ACAT1: variants seen among roughly 807,000 people sequenced by gnomAD.
The protein encoded by ACAT1 is acetyl-CoA acetyltransferase 1.
ACAT1 carries 28 observed loss-of-function variants against 47.3 expected under a neutral mutation model. That is an observed-to-expected ratio of 0.59 (90% CI 0.44 to 0.81). The LOEUF is 0.81. ACAT1 is among the 30% of genes least tolerant of loss of function. The pLI is 0.00. For missense variants in ACAT1, 469 were observed against 524.3 expected, an observed-to-expected ratio of 0.89 and a Z score of 1.03; for synonymous variants, 181 against 173.6, an observed-to-expected ratio of 1.04 and a Z score of -0.34.
chr11:108,125,894 C>T (rs1315925376), intron 1 of ACAT1, among the ~76,000 whole-genome samples: 4 of 150,640 alleles, frequency 2.7e-5, no homozygotes, highest in African/African-American at 4.9e-5. Context: ...CCACTGCACT[C>T]CAGTCTGGGT....
intron 11 of ACAT1, 58 bp downstream of exon 11, chr11:108,146,417 A>T (rs1288565890): frequency 1.6e-5 from 25 of 1,580,722 alleles, no homozygotes; most frequent in Non-Finnish European, 2.0e-5. Flanking sequence ...TTCTAGCTAA[A>T]CTTAAAACTG....
intron 3 of ACAT1, 117 bp from the exon 4 acceptor site, chr11:108,134,104 A>G: frequency 2.5e-6 from 3 of 1,197,422 alleles, no homozygotes; most frequent in Non-Finnish European, 3.6e-6. Flanking sequence ...ATTGAAACTC[A>G]AAACTGACAA....
exon 1 of ACAT1, chr11:108,121,564 GCTAGT>G: frequency 1.9e-6 from 3 of 1,542,714 alleles, no homozygotes; most frequent in Non-Finnish European, 2.6e-6. Context: ...GGAGGAGGCC[GCTAGT>G]CTACGCCTGT....
chr11:108,139,421 T>C (rs1333187649), intron 6 of ACAT1, among the ~76,000 whole-genome samples: 1 of 151,768 alleles, frequency 6.6e-6, no homozygotes, highest in Non-Finnish European at 1.5e-5. Context: ...TGAGACCCTG[T>C]CTCTATTAAA....
At chr11:108,133,682 G>T in intron 2 of ACAT1, 138 bp from the exon 3 acceptor site, 1 of 705,932 alleles carries the variant, frequency 1.4e-6, no homozygotes. Context: ...TGATTATCTT[G>T]ACAGCTGTTC....
chr11:108,134,148 C>G, intron 3 of ACAT1, 73 bp from the exon 4 acceptor site: 1 of 1,384,738 alleles, frequency 7.2e-7, no homozygotes, highest in Non-Finnish European at 1.0e-6. Context: ...GTAATGTCAC[C>G]TACCTTATTA....
At chr11:108,132,510 C>A (rs538465837) in intron 2 of ACAT1, among the ~76,000 whole-genome samples, 1 of 152,116 alleles carries the variant, frequency 6.6e-6, no homozygotes, top group Admixed American at 6.6e-5. Context: ...TTCAAGAGAG[C>A]TTTTATCTTC....
upstream of ACAT1, among the ~76,000 whole-genome samples, chr11:108,116,726 C>CCA (rs1864957251): frequency 6.6e-6 from 1 of 152,192 alleles, no homozygotes; most frequent in East Asian, 1.9e-4. Context: ...GGAGAAAAAG[C>CCA]CACACACAGG....
chr11:108,121,468 G>T, upstream of ACAT1: 1 of 991,324 alleles, frequency 1.0e-6, no homozygotes, highest in Admixed American at 2.0e-5. Context: ...CTTGGCTGCC[G>T]GCCAATCGCC....
At chr11:108,140,282 T>G in intron 7 of ACAT1, 67 bp downstream of exon 7, 1 of 1,580,320 alleles carries the variant, frequency 6.3e-7, no homozygotes, top group Non-Finnish European at 8.7e-7. Flanking sequence ...TGCTTAAGTT[T>G]TAAATTAGGA....
chr11:108,130,644 G>A lies in ACAT1; in HGVS notation c.73-1263G>A, dbSNP rs571794378. Reference sequence around the variant, plus strand: ...CCTGTCCTCATGATCCACCCGCCTCGGCCTCCAAAGTGCTGGGATTACAGG... The same window carrying A: ...CCTGTCCTCATGATCCACCCGCCTCAGCCTCCAAAGTGCTGGGATTACAGG... On this transcript the variant is annotated intron_variant, in intron 1 of 11. Coordinates refer to ENST00000265838, the MANE Select transcript of ACAT1 (RefSeq NM_000019.4). 7.8e-4 allele frequency among the ~76,000 whole-genome samples: 118 copies of A among 152,106 alleles called. 1 individual carries two copies. The highest frequency in any genetic ancestry group is 2.7e-3 in the African/African-American group (111 of 41,482).
chr11:108,117,841 AAACT>A (rs1292680893), upstream of ACAT1, among the ~76,000 whole-genome samples: 1 of 152,276 alleles, frequency 6.6e-6, no homozygotes, highest in Non-Finnish European at 1.5e-5. Flanking sequence ...AATATTCCTA[AAACT>A]AACTTCTACT....
chr11:108,135,371 C>A, intron 5 of ACAT1, 129 bp downstream of exon 5: 1 of 730,598 alleles, frequency 1.4e-6, no homozygotes. Flanking sequence ...TTCTCACATG[C>A]TCAAGAGTGT....
chr11:108,121,401 C>G (rs1475742044), upstream of ACAT1: 2 of 629,692 alleles, frequency 3.2e-6, no homozygotes, highest in Admixed American at 2.6e-5. Context: ...ACGTCCTTCA[C>G]TCGTCAACCT....
chr11:108,132,853 C>CAAAAAAAAAAAAAAAAA (rs57501370), intron 2 of ACAT1, among the ~76,000 whole-genome samples: 1 of 47,894 alleles, frequency 2.1e-5, no homozygotes, highest in Non-Finnish European at 3.4e-5. Context: ...AACTCCATCT[C>CAAAAAAAAAAAAAAAAA]AAAAAAAAAA....
At chr11:108,139,091 T>C in intron 6 of ACAT1, 50 bp downstream of exon 6, 1 of 1,605,196 alleles carries the variant, frequency 6.2e-7, no homozygotes, top group Non-Finnish European at 8.5e-7. Context: ...CAATACTGTT[T>C]GATTTTTCTT....
chr11:108,134,912 G>A (rs1023891961), intron 4 of ACAT1, among the ~76,000 whole-genome samples: 2 of 122,926 alleles, frequency 1.6e-5, no homozygotes, highest in African/African-American at 6.3e-5. Flanking sequence ...GCCACTGCAC[G>A]CCAGCTTGGG....
intron 9 of ACAT1, 80 bp from the exon 10 acceptor site, chr11:108,143,903 G>T: frequency 6.5e-7 from 1 of 1,531,710 alleles, no homozygotes. Flanking sequence ...GCATTTAATG[G>T]GCTAAACTTG....
upstream of ACAT1, chr11:108,121,311 C>T (rs533682565): frequency 3.7e-6 from 2 of 542,554 alleles, no homozygotes; most frequent in Non-Finnish European, 6.7e-6. Context: ...AACCACCGGC[C>T]CCGGCAGGTT....
Sources: gnomAD v4.1 joint callset for allele counts (sites outside exome capture counted in the v4.1 genomes callset) on GRCh38, gnomAD v4.1.1 for gene constraint, MANE v1.5 for transcripts, NCBI Gene and HGNC (gene_info 2026-07-23, HGNC 2026-07-21) for gene names.